Variants in PDLIM5 observed in about 807,000 individuals in gnomAD.
The protein encoded by PDLIM5 is PDZ and LIM domain protein 5.
In PDLIM5, 34 loss-of-function variants were observed where a neutral mutation model predicts 64.2. The observed-to-expected ratio is 0.53, with a 90% CI of 0.40 to 0.71. The LOEUF is 0.71. PDLIM5 is among the 30% of genes least tolerant of loss of function. PDLIM5 has a pLI of 0.00. For synonymous variants in PDLIM5, 253 were observed against 269.1 expected, an observed-to-expected ratio of 0.94 and a Z score of 0.59; for missense variants, 683 against 733.6, an observed-to-expected ratio of 0.93 and a Z score of 0.80.
At chr4:94,537,280 A>G (rs1057133351) in intron 3 of PDLIM5, among the ~76,000 whole-genome samples, 5 of 152,156 alleles carry the variant, frequency 3.3e-5, no homozygotes, top group African/African-American at 4.8e-5. Flanking sequence ...GCTGAAGTTT[A>G]TAGCACTTTT....
intron 10 of PDLIM5, among the ~76,000 whole-genome samples, chr4:94,657,202 G>A (rs1025317626): frequency 1.3e-5 from 2 of 152,024 alleles, no homozygotes; most frequent in Admixed American, 6.6e-5. Flanking sequence ...TTATTGATTG[G>A]CATTTGTAAA....
At chr4:94,653,079 G>C (rs1314947929) in intron 9 of PDLIM5, among the ~76,000 whole-genome samples, 7 of 152,038 alleles carry the variant, frequency 4.6e-5, no homozygotes, top group African/African-American at 1.7e-4. Context: ...AATCTGCCTG[G>C]AAGTCTGGTG....
At chr4:94,639,318 G>T (rs1219326341) in intron 8 of PDLIM5, among the ~76,000 whole-genome samples, 1 of 152,188 alleles carries the variant, frequency 6.6e-6, no homozygotes, top group Non-Finnish European at 1.5e-5. Flanking sequence ...CTACATTCAG[G>T]GGTCAAATAG....
intron 3 of PDLIM5, among the ~76,000 whole-genome samples, chr4:94,563,958 C>CTTTTTTTTTTTTTTTTTTTTTTTTTTTTT (rs796820308): frequency 9.2e-5 from 11 of 119,360 alleles, no homozygotes; most frequent in Non-Finnish European, 1.6e-4. Context: ...TTCTTTCTTT[C>CTTTTTTTTTTTTTTTTTTTTTTTTTTTTT]TTTTTTTTTT....
At chr4:94,509,412 T>C (rs573353960) in intron 2 of PDLIM5, among the ~76,000 whole-genome samples, 1 of 152,292 alleles carries the variant, frequency 6.6e-6, no homozygotes, top group African/African-American at 2.4e-5. Flanking sequence ...ATTTTCTCTT[T>C]CCCCCTACTG....
At chr4:94,656,780 A>G (rs1396790249) in intron 10 of PDLIM5, 1 of 151,510 alleles carries the variant, frequency 6.6e-6, no homozygotes, top group Non-Finnish European at 1.5e-5. Flanking sequence ...GACTACAGGC[A>G]CCCACCACCA....
intron 8 of PDLIM5, among the ~76,000 whole-genome samples, chr4:94,639,195 G>A (rs1578521035): frequency 6.6e-6 from 1 of 152,150 alleles, no homozygotes; most frequent in African/African-American, 2.4e-5. Flanking sequence ...AAAAAGTGAG[G>A]CAGTTTAGTG....
intron 2 of PDLIM5, among the ~76,000 whole-genome samples, chr4:94,506,326 C>T (rs764718734): frequency 1.6e-4 from 24 of 152,152 alleles, no homozygotes; most frequent in Non-Finnish European, 3.2e-4. Flanking sequence ...CTTGATGTCT[C>T]AGCTAAATGA....
chr4:94,662,563 A>T, intron 12 of PDLIM5, 26 bp downstream of exon 12: 1 of 1,130,602 alleles, frequency 8.8e-7, no homozygotes, highest in Non-Finnish European at 1.4e-6. Context: ...TTTCCTAATT[A>T]AAGGGGTATA....
At chr4:94,634,045 G>A (rs1351919725) in intron 8 of PDLIM5, among the ~76,000 whole-genome samples, 2 of 152,146 alleles carry the variant, frequency 1.3e-5, no homozygotes, top group African/African-American at 4.8e-5. Context: ...TGGGCAAGGG[G>A]TAGAGTGGCA....
chr4:94,610,070 A>G, intron 7 of PDLIM5: 1 of 673,574 alleles, frequency 1.5e-6, no homozygotes, highest in Non-Finnish European at 2.4e-6. Flanking sequence ...TTAGATATTA[A>G]TATGAAATGG....
At chr4:94,497,184 G>T (rs1003730489) in intron 2 of PDLIM5, among the ~76,000 whole-genome samples, 3 of 152,156 alleles carry the variant, frequency 2.0e-5, no homozygotes, top group South Asian at 2.1e-4. Flanking sequence ...TCAAAAGAAG[G>T]CATTGTAAAT....
intron 3 of PDLIM5, among the ~76,000 whole-genome samples, chr4:94,566,525 G>A (rs1440570301): frequency 1.3e-5 from 2 of 152,124 alleles, no homozygotes; most frequent in Non-Finnish European, 2.9e-5. Context: ...TTTGTGTCAA[G>A]CACTCCACCA....
At chr4:94,612,108 C>G (rs1441005197) in intron 7 of PDLIM5, among the ~76,000 whole-genome samples, 1 of 152,116 alleles carries the variant, frequency 6.6e-6, no homozygotes, top group Admixed American at 6.5e-5. Flanking sequence ...ATCCCAGCTA[C>G]TCAGGAGGCT....
At chr4:94,561,088 G>A (rs529795907) in intron 3 of PDLIM5, among the ~76,000 whole-genome samples, 1 of 152,258 alleles carries the variant, frequency 6.6e-6, no homozygotes, top group Non-Finnish European at 1.5e-5. Context: ...CAGTATTAGT[G>A]TCGGGTTTAT....
intron 3 of PDLIM5, among the ~76,000 whole-genome samples, chr4:94,541,231 A>G (rs1247207673): frequency 6.6e-6 from 1 of 152,118 alleles, no homozygotes; most frequent in Non-Finnish European, 1.5e-5. Flanking sequence ...GGCCTTAGGA[A>G]AAAAAAATGT....
At chr4:94,484,494 CA>C (rs1190577013) in intron 2 of PDLIM5, among the ~76,000 whole-genome samples, 2 of 152,062 alleles carry the variant, frequency 1.3e-5, no homozygotes, top group African/African-American at 4.8e-5. Context: ...GTTTATATGT[CA>C]GAATAAGTAT....
chr4:94,524,445 A>T (rs909061460), intron 3 of PDLIM5, among the ~76,000 whole-genome samples: 4 of 150,250 alleles, frequency 2.7e-5, no homozygotes, highest in Non-Finnish European at 5.9e-5. Context: ...TTCTCAATGG[A>T]GTGCAGGCTA....
At chr4:94,454,156 T>C (rs1357787941) in intron 1 of PDLIM5, among the ~76,000 whole-genome samples, 2 of 152,112 alleles carry the variant, frequency 1.3e-5, no homozygotes, top group Non-Finnish European at 2.9e-5. Flanking sequence ...TTTGGTTGAA[T>C]AGCTTACATT....
Sources: allele counts gnomAD v4.1 joint callset (sites outside exome capture counted in the v4.1 genomes callset), GRCh38; gene constraint gnomAD v4.1.1; transcripts MANE v1.5; gene names NCBI Gene and HGNC (gene_info 2026-07-23, HGNC 2026-07-21).